RPRD1B: variants seen among roughly 807,000 people sequenced by gnomAD.
RPRD1B encodes the protein regulation of nuclear pre-mRNA domain-containing protein 1B.
RPRD1B carries 11 observed loss-of-function variants against 41.5 expected under a neutral mutation model. That is an observed-to-expected ratio of 0.27 (90% CI 0.17 to 0.44). RPRD1B has a LOEUF of 0.44. Ranked by LOEUF, RPRD1B falls within the 20% of genes least tolerant of loss-of-function variation. The pLI is 1.00. For missense variants in RPRD1B, 248 were observed against 389.9 expected, an observed-to-expected ratio of 0.64 and a Z score of 3.06; for synonymous variants, 158 against 155.6, an observed-to-expected ratio of 1.02 and a Z score of -0.12.
intron 6 of RPRD1B, among the ~76,000 whole-genome samples, chr20:38,084,136 G>C (rs1463865556): frequency 6.6e-6 from 1 of 152,170 alleles, no homozygotes; most frequent in African/African-American, 2.4e-5. Flanking sequence ...GGATGAGGGG[G>C]CTTGGCGGGT....
Position 38,066,253 on chromosome 20 carries a change from A to G in RPRD1B, c.828A>G (p.Leu276=), listed in dbSNP as rs185360628. Residue 276 remains leucine (L), a synonymous_variant, in exon 6 of 7, where the codon CTA becomes CTG. Transcript: ENST00000373433. ...TTTTGTCGGAGAAGGAGAAAAAACT[A>G]GAGGTGAGTGCATTGAAGGCAGACC... The part of the protein sequence containing the change: ...KDVLSEKEKK[L]EEYKQKLARV... The G allele has an allele frequency of 6.2e-7, 1 of 1,614,148 alleles. No homozygotes were observed. The highest frequency in any genetic ancestry group is 8.5e-7 in the Non-Finnish European group (1 of 1,180,002).
chr20:38,038,492 T>TTTTG (rs2074028151), intron 1 of RPRD1B, among the ~76,000 whole-genome samples: 1 of 105,264 alleles, frequency 9.5e-6, no homozygotes, highest in African/African-American at 4.3e-5. Context: ...TTTGTTTTGT[T>TTTTG]TTTTTTTTTT....
At chr20:38,034,130 C>T in intron 1 of RPRD1B, 32 bp downstream of exon 1, 1 of 1,599,188 alleles carries the variant, frequency 6.3e-7, no homozygotes, top group South Asian at 1.1e-5. Flanking sequence ...CCTGGACGGT[C>T]CCCGGATTGT....
chr20:38,088,099 TC>T (rs2122776378), intron 6 of RPRD1B, among the ~76,000 whole-genome samples: 2 of 152,300 alleles, frequency 1.3e-5, no homozygotes, highest in South Asian at 4.1e-4. Flanking sequence ...CCTTTTCTCT[TC>T]CTTTGTAGAC....
chr20:38,069,147 C>T (rs1056405264), intron 6 of RPRD1B, among the ~76,000 whole-genome samples: 1 of 152,126 alleles, frequency 6.6e-6, no homozygotes, highest in Admixed American at 6.6e-5. Flanking sequence ...ATGTAATAAG[C>T]ATCTTTTTCT....
At chr20:38,044,707 A>G (rs953332586) in intron 2 of RPRD1B, among the ~76,000 whole-genome samples, 1 of 152,086 alleles carries the variant, frequency 6.6e-6, no homozygotes, top group Non-Finnish European at 1.5e-5. Flanking sequence ...TGCTTGCACA[A>G]ACAATTTAGG....
intron 5 of RPRD1B, among the ~76,000 whole-genome samples, chr20:38,061,501 A>G (rs1272323787): frequency 6.6e-6 from 1 of 152,214 alleles, no homozygotes. Flanking sequence ...CATTGCTCCA[A>G]CAATGCTCCC....
Position 38,051,541 on chromosome 20 carries a change from T to C in RPRD1B, c.415+3060T>C, listed in dbSNP as rs912902514. Among the ~76,000 whole-genome samples, 10 of 152,342 alleles carry C rather than the reference T, an allele frequency of 6.6e-5. No homozygotes were observed. In the East Asian group the frequency reaches 1.2e-3, roughly 18 times the overall value. On this transcript the variant is annotated intron_variant, in intron 3 of 6. Coordinates refer to ENST00000373433, the MANE Select transcript of RPRD1B (RefSeq NM_021215.4). ...ATGAGGATACTGGCTCAAAAAGGTATAGTAATTTTGTTCAGAGAGAGATAA... is the reference window on the plus strand; with the variant it reads ...ATGAGGATACTGGCTCAAAAAGGTACAGTAATTTTGTTCAGAGAGAGATAA...
intron 5 of RPRD1B, among the ~76,000 whole-genome samples, chr20:38,065,480 G>A (rs540851508): frequency 2.0e-5 from 3 of 152,188 alleles, no homozygotes; most frequent in South Asian, 2.1e-4. Flanking sequence ...AAATGGTGTC[G>A]GATTTGTCTA....
intron 6 of RPRD1B, among the ~76,000 whole-genome samples, chr20:38,079,452 CCTT>C (rs1455677842): frequency 6.6e-6 from 1 of 152,084 alleles, no homozygotes; most frequent in East Asian, 1.9e-4. Context: ...CTTATTTTTC[CCTT>C]CTTTGAGTTC....
At chr20:38,058,910 C>T (rs550693214) in intron 4 of RPRD1B, among the ~76,000 whole-genome samples, 1 of 152,032 alleles carries the variant, frequency 6.6e-6, no homozygotes, top group African/African-American at 2.4e-5. Context: ...GACAGGGTGT[C>T]GCTATATTGT....
chr20:38,053,340 G>A (rs1314314997), intron 3 of RPRD1B, among the ~76,000 whole-genome samples: 1 of 152,190 alleles, frequency 6.6e-6, no homozygotes. Flanking sequence ...TATAACTGCT[G>A]ACTTCGTAGC....
intron 3 of RPRD1B, among the ~76,000 whole-genome samples, chr20:38,056,751 C>A (rs751291657): frequency 1.3e-5 from 2 of 152,210 alleles, no homozygotes; most frequent in Non-Finnish European, 2.9e-5. Flanking sequence ...GAAACTATTG[C>A]AATGCCAGGC....
intron 6 of RPRD1B, among the ~76,000 whole-genome samples, chr20:38,084,776 G>C (rs182921278): frequency 4.1e-4 from 63 of 152,332 alleles, no homozygotes; most frequent in Non-Finnish European, 6.6e-4. Context: ...AGATTCCAAA[G>C]CTTTGCCAAG....
chr20:38,084,957 A>G (rs1190825540), intron 6 of RPRD1B, among the ~76,000 whole-genome samples: 1 of 152,156 alleles, frequency 6.6e-6, no homozygotes, highest in African/African-American at 2.4e-5. Flanking sequence ...CAAGTCAGAT[A>G]TGATTCTTCC....
intron 1 of RPRD1B, among the ~76,000 whole-genome samples, chr20:38,038,953 TAG>T (rs1332583584): frequency 6.6e-6 from 1 of 152,272 alleles, no homozygotes; most frequent in African/African-American, 2.4e-5. Flanking sequence ...TCAGGTACTT[TAG>T]CATTGGAGAA....
chr20:38,092,041 A>G lies in RPRD1B; in HGVS notation c.*2166A>G. On this transcript the variant is annotated 3_prime_UTR_variant, in exon 7 of 7. Transcript: ENST00000373433. Reference sequence around the variant, plus strand: ...CATCCTCCCAAAGTGTGCTTACTTCATTTGTTTAATTTAAATGAACTTTCC... The same window carrying G: ...CATCCTCCCAAAGTGTGCTTACTTCGTTTGTTTAATTTAAATGAACTTTCC... 1.0e-6 allele frequency: 1 copy of G among 985,746 alleles called. No homozygotes were observed. Among genetic ancestry groups the G allele is most frequent in the Middle Eastern group, 5.2e-4 (1 of 1,914 alleles). 61.1% of individuals were successfully genotyped at this position (985,746 alleles called of 1,614,324 possible). A position where few individuals can be genotyped will look rare whatever the true frequency, so the allele number is the denominator to read the frequency against.
rs368044402 is a variant in RPRD1B, at chr20:38,070,949, C to G, written c.831+4693C>G. Among the ~76,000 whole-genome samples, 14 of 152,138 alleles carry G rather than the reference C, an allele frequency of 9.2e-5. No homozygotes were observed. The East Asian group carries it at 2.5e-3, about 27-fold the overall frequency. ...GTTTTGCCATGTTGGGCAGGCTGGTCTCGAACTCCTGATCTCAGGTGATCC... is the reference window on the plus strand; with the variant it reads ...GTTTTGCCATGTTGGGCAGGCTGGTGTCGAACTCCTGATCTCAGGTGATCC... On this transcript the variant is annotated intron_variant, in intron 6 of 6. Coordinates refer to ENST00000373433, the MANE Select transcript of RPRD1B (RefSeq NM_021215.4).
Position 38,057,601 on chromosome 20 carries a change from C to T in RPRD1B, c.485C>T (p.Pro162Leu). 6.2e-7 allele frequency: 1 copy of T among 1,614,138 alleles called. No homozygotes were observed. Among genetic ancestry groups the T allele is most frequent in the Non-Finnish European group, 8.5e-7 (1 of 1,179,968 alleles). Residue 162 changes from proline to leucine, a missense_variant, in exon 4 of 7, where the codon CCT (proline) becomes CTT (leucine). Pro to Leu is a moderately conservative substitution (Grantham distance 98). Around this residue, in one of 5 missense-constraint regions of RPRD1B, gnomAD observed 94 missense variants for 82.3 expected, o/e 1.14. Transcript: ENST00000373433. ...QIQEEEDDDY[P>L]GSYSPQDPSA... ...CAGGAGGAGGAGGATGACGACTACC[C>T]TGGCAGCTACTCTCCTCAGGATCCT...
Sources: allele counts gnomAD v4.1 joint callset (sites outside exome capture counted in the v4.1 genomes callset), GRCh38; gene constraint gnomAD v4.1.1; regional missense constraint gnomAD v4.1.1; transcripts MANE v1.5; gene names NCBI Gene and HGNC (gene_info 2026-07-23, HGNC 2026-07-21).